Variants in GALM observed in about 807,000 individuals in gnomAD.
GALM encodes aldose 1-epimerase.
GALM carries 43 observed loss-of-function variants against 37.4 expected under a neutral mutation model. That is an observed-to-expected ratio of 1.15 (90% CI 0.90 to 1.48). The LOEUF (loss-of-function observed/expected upper bound fraction) is 1.48, where lower values mean the gene tolerates loss of function less well. GALM is among the 40% of genes most tolerant of loss of function. The pLI is 0.00. For missense variants in GALM, 456 were observed against 419.1 expected, an observed-to-expected ratio of 1.09 and a Z score of -0.77; for synonymous variants, 199 against 170.6, an observed-to-expected ratio of 1.17 and a Z score of -1.30.
intron 5 of GALM, among the ~76,000 whole-genome samples, chr2:38,730,806 A>G (rs1307549121): frequency 6.6e-6 from 1 of 151,846 alleles, no homozygotes; most frequent in Non-Finnish European, 1.5e-5. Flanking sequence ...CTATAATCTC[A>G]GCTACTCAGG....
chr2:38,695,008 T>C (rs1665772677), intron 4 of GALM, among the ~76,000 whole-genome samples: 1 of 152,032 alleles, frequency 6.6e-6, no homozygotes, highest in Non-Finnish European at 1.5e-5. Context: ...GTCTTTCTGG[T>C]TCTTGGTTTT....
intron 4 of GALM, among the ~76,000 whole-genome samples, chr2:38,713,013 C>A (rs969950787): frequency 2.6e-5 from 4 of 152,112 alleles, no homozygotes; most frequent in Non-Finnish European, 4.4e-5. Flanking sequence ...AATTACCCAC[C>A]CTTTTCACGA....
intron 4 of GALM, among the ~76,000 whole-genome samples, chr2:38,704,346 GC>G (rs933087804): frequency 6.6e-6 from 1 of 151,978 alleles, no homozygotes; most frequent in African/African-American, 2.4e-5. Flanking sequence ...TCACAGGCAT[GC>G]CCCCATCATG....
Position 38,731,630 on chromosome 2 carries a change from G to A in GALM, c.777-105G>A, listed in dbSNP as rs889383845. 76 of 797,554 alleles carry A rather than the reference G, an allele frequency of 9.5e-5. No homozygotes were observed. In the African/African-American group the frequency reaches 1.2e-3, roughly 13 times the overall value. The allele number at this position is 797,554 out of a possible 1,614,324, so 49.4% of individuals were successfully genotyped here. ...CATCTCCTCCTTATATCTTGTCCCT[G>A]CTCTGTGGCTGGGTCTGATTCCTGT... On this transcript the variant is annotated intron_variant, in intron 5 of 6. Transcript: ENST00000272252.
At chr2:38,709,553 G>GA (rs1240496310) in intron 4 of GALM, among the ~76,000 whole-genome samples, 5,027 of 114,128 alleles carry the variant, frequency 0.044, 115 homozygotes, top group Non-Finnish European at 0.065. Flanking sequence ...CGGTGGAAAG[G>GA]AAAAAAAAAA....
At chr2:38,713,766 A>T (rs1184526149) in intron 4 of GALM, among the ~76,000 whole-genome samples, 1 of 152,076 alleles carries the variant, frequency 6.6e-6, no homozygotes, top group Non-Finnish European at 1.5e-5. Context: ...TTAGGTGGGC[A>T]TGGTGGCACA....
chr2:38,684,188 G>A (rs1004488678), intron 3 of GALM, among the ~76,000 whole-genome samples: 3 of 152,042 alleles, frequency 2.0e-5, no homozygotes, highest in African/African-American at 7.2e-5. Context: ...TGGTATTTTT[G>A]TTCTATTTGG....
chr2:38,725,739 A>G (rs964730823), intron 4 of GALM, among the ~76,000 whole-genome samples: 8 of 151,396 alleles, frequency 5.3e-5, no homozygotes, highest in Non-Finnish European at 8.8e-5. Flanking sequence ...TGTTTTTTTG[A>G]GACAGAGTCT....
chr2:38,715,790 A>G (rs2148451473), intron 4 of GALM, among the ~76,000 whole-genome samples: 1 of 152,274 alleles, frequency 6.6e-6, no homozygotes, highest in Non-Finnish European at 1.5e-5. Context: ...GCTACTGTCC[A>G]TAGTAACAGC....
At chr2:38,689,413 C>G (rs1017162296) in intron 3 of GALM, among the ~76,000 whole-genome samples, 33 of 152,262 alleles carry the variant, frequency 2.2e-4, no homozygotes, top group African/African-American at 7.0e-4. Context: ...AGGAGTGAGC[C>G]TGGAGCAGTA....
chr2:38,729,464 G>A (rs1666554114), intron 4 of GALM, 92 bp from the exon 5 acceptor site: 2 of 1,108,708 alleles, frequency 1.8e-6, no homozygotes, highest in Non-Finnish European at 2.5e-6. Context: ...AATGAAGGCG[G>A]AGAGAGTAGA....
chr2:38,689,741 C>A, intron 3 of GALM, 72 bp from the exon 4 acceptor site: 1 of 891,322 alleles, frequency 1.1e-6, no homozygotes, highest in Non-Finnish European at 1.8e-6. Context: ...AACATTTTTG[C>A]AAGATAAGTT....
intron 4 of GALM, among the ~76,000 whole-genome samples, chr2:38,726,360 G>A (rs1273529552): frequency 6.7e-6 from 1 of 150,204 alleles, no homozygotes; most frequent in Non-Finnish European, 1.5e-5. Flanking sequence ...CCAAGTAGCT[G>A]GGACTACAGG....
chr2:38,707,931 A>C (rs1326380410), intron 4 of GALM, among the ~76,000 whole-genome samples: 1 of 151,996 alleles, frequency 6.6e-6, no homozygotes, highest in Non-Finnish European at 1.5e-5. Flanking sequence ...AAAATGGTGA[A>C]ACCCTGTCTC....
chr2:38,730,214 TATC>T (rs1280245427), intron 5 of GALM, among the ~76,000 whole-genome samples: 6 of 152,206 alleles, frequency 3.9e-5, no homozygotes, highest in Admixed American at 2.6e-4. Context: ...CAACACCTAA[TATC>T]ATCCTTGGCA....
At chr2:38,693,498 AAGAG>A (rs1243574645) in intron 4 of GALM, among the ~76,000 whole-genome samples, 2 of 150,462 alleles carry the variant, frequency 1.3e-5, no homozygotes, top group African/African-American at 5.0e-5. Flanking sequence ...AAAAAAAAAA[AAGAG>A]AGAGAGAAAA....
At chr2:38,709,929 A>G (rs1024864428) in intron 4 of GALM, among the ~76,000 whole-genome samples, 13 of 152,172 alleles carry the variant, frequency 8.5e-5, no homozygotes, top group African/African-American at 3.1e-4. Context: ...GACTCTTCTG[A>G]GCCCGACTAG....
intron 4 of GALM, among the ~76,000 whole-genome samples, chr2:38,718,196 CT>C (rs3059479): frequency 0.042 from 5,513 of 131,216 alleles, 264 homozygotes; most frequent in African/African-American, 0.15. Context: ...TTTTTCTTTT[CT>C]TTTTTTTTTT....
At chr2:38,710,149 C>G (rs950587940) in intron 4 of GALM, among the ~76,000 whole-genome samples, 2 of 152,216 alleles carry the variant, frequency 1.3e-5, no homozygotes, top group Non-Finnish European at 2.9e-5. Flanking sequence ...ACACAGATCA[C>G]CTGTGCAACT....
Sources: gnomAD v4.1 joint callset for allele counts (sites outside exome capture counted in the v4.1 genomes callset) on GRCh38, gnomAD v4.1.1 for gene constraint, MANE v1.5 for transcripts, NCBI Gene and HGNC (gene_info 2026-07-23, HGNC 2026-07-21) for gene names.